FAT3: variants seen among roughly 807,000 people sequenced by gnomAD.
FAT3 encodes the protein FAT atypical cadherin 3.
FAT3 carries 95 observed loss-of-function variants against 310.2 expected under a neutral mutation model. That is an observed-to-expected ratio of 0.31 (90% CI 0.26 to 0.36). The LOEUF is 0.36. Ranked by LOEUF, FAT3 falls within the 10% of genes least tolerant of loss-of-function variation. FAT3 has a pLI of 1.00. For missense variants in FAT3, 5,408 were observed against 5,715.6 expected, an observed-to-expected ratio of 0.95 and a Z score of 1.74; for synonymous variants, 2,314 against 2,192.9, an observed-to-expected ratio of 1.06 and a Z score of -1.54.
chr11:92,551,649 C>T (rs531174194), intron 3 of FAT3, among the ~76,000 whole-genome samples: 1 of 152,084 alleles, frequency 6.6e-6, no homozygotes, highest in East Asian at 1.9e-4. Flanking sequence ...AACAGCTGTA[C>T]TTGGTTATGT....
intron 3 of FAT3, among the ~76,000 whole-genome samples, chr11:92,639,269 C>T (rs1291922787): frequency 6.6e-6 from 1 of 152,124 alleles, no homozygotes; most frequent in East Asian, 1.9e-4. Context: ...GAGCAAACGT[C>T]CCCAGAAACT....
At chr11:92,539,029 A>G (rs559269658) in intron 3 of FAT3, among the ~76,000 whole-genome samples, 38 of 152,166 alleles carry the variant, frequency 2.5e-4, no homozygotes, top group African/African-American at 8.4e-4. Flanking sequence ...ATCCAATTTT[A>G]CCTCCCACCA....
Position 92,677,895 on chromosome 11 carries a change from G to T in FAT3, c.3608-19489G>T, listed in dbSNP as rs183692785. On this transcript the variant is annotated intron_variant, in intron 3 of 27. Coordinates refer to ENST00000525166, the MANE Select transcript of FAT3 (RefSeq NM_001367949.2). Reference sequence around the variant, plus strand: ...GGGCTCCAGCAAGTGGCTCAAGAGTGCTGGTTACAGAATTTTATGGGGTTT... The same window carrying T: ...GGGCTCCAGCAAGTGGCTCAAGAGTTCTGGTTACAGAATTTTATGGGGTTT... Among the ~76,000 whole-genome samples, 16 of 152,300 alleles carry T rather than the reference G, an allele frequency of 1.1e-4. No individual in the cohort carries two copies. The East Asian group carries it at 3.1e-3, about 29-fold the overall frequency.
chr11:92,610,128 T>A (rs1391567063), intron 3 of FAT3, among the ~76,000 whole-genome samples: 1 of 152,172 alleles, frequency 6.6e-6, no homozygotes, highest in East Asian at 1.9e-4. Context: ...CATTTACTAG[T>A]GCACTTGTAA....
chr11:92,478,253 T>G (rs1249945275), intron 2 of FAT3, among the ~76,000 whole-genome samples: 1 of 152,224 alleles, frequency 6.6e-6, no homozygotes, highest in East Asian at 1.9e-4. Context: ...GTTTTGCTCT[T>G]GAATTTAATC....
chr11:92,678,055 G>A (rs992246414), intron 3 of FAT3, among the ~76,000 whole-genome samples: 2 of 152,128 alleles, frequency 1.3e-5, no homozygotes, highest in Non-Finnish European at 2.9e-5. Context: ...TTCGCTTTGT[G>A]ACTTCAAAGT....
chr11:92,632,989 G>T (rs1591543839), intron 3 of FAT3, among the ~76,000 whole-genome samples: 1 of 152,170 alleles, frequency 6.6e-6, no homozygotes, highest in South Asian at 2.1e-4. Context: ...TCCTTATTTT[G>T]TACCTGCTAC....
chr11:92,764,558 C>A (rs1403407031), intron 5 of FAT3, among the ~76,000 whole-genome samples: 1 of 152,156 alleles, frequency 6.6e-6, no homozygotes, highest in Admixed American at 6.5e-5. Flanking sequence ...ATCAAATTAG[C>A]TATTTCTATT....
intron 3 of FAT3, among the ~76,000 whole-genome samples, chr11:92,591,485 C>T (rs1358757322): frequency 6.6e-6 from 1 of 152,168 alleles, no homozygotes; most frequent in East Asian, 1.9e-4. Flanking sequence ...ATTAGTTTAA[C>T]ATAAACAACC....
chr11:92,799,047 A>C lies in FAT3; in HGVS notation c.6034A>C (p.Asn2012His). 1 of 1,613,956 alleles carries C rather than the reference A, an allele frequency of 6.2e-7. No individual in the cohort carries two copies. The highest frequency in any genetic ancestry group is 1.1e-5 in the South Asian group (1 of 91,078). Residue 2012 changes from asparagine to histidine, a missense_variant, in exon 10 of 28, where the codon AAT becomes CAT. By Grantham distance (68) the Asn-to-His change is moderately conservative. This residue lies in a region of FAT3 where 4,588 missense variants were observed against 4,809.8 expected (regional missense o/e 0.95). Coordinates refer to ENST00000525166, the MANE Select transcript of FAT3 (RefSeq NM_001367949.2). ...AIVNAVGNRLNEPLKYSILNP... is the reference protein window; with the variant it reads ...AIVNAVGNRLHEPLKYSILNP... ...TGTCAATGCAGTTGGAAATCGCCTTAATGAGCCCTTAAAATACAGCATCTT... is the reference window on the plus strand; with the variant it reads ...TGTCAATGCAGTTGGAAATCGCCTTCATGAGCCCTTAAAATACAGCATCTT...
intron 2 of FAT3, among the ~76,000 whole-genome samples, chr11:92,490,658 T>A (rs1436871989): frequency 6.6e-6 from 1 of 152,142 alleles, no homozygotes; most frequent in East Asian, 1.9e-4. Flanking sequence ...TCTTTGGATG[T>A]TGCATTGAAG....
chr11:92,820,410 C>T (rs1217034747), intron 13 of FAT3, among the ~76,000 whole-genome samples: 4 of 152,156 alleles, frequency 2.6e-5, no homozygotes, highest in African/African-American at 9.7e-5. Context: ...TTAATTGCCT[C>T]CTAAAAGCCT....
intron 3 of FAT3, among the ~76,000 whole-genome samples, chr11:92,542,140 A>G (rs182019337): frequency 1.2e-3 from 180 of 152,224 alleles, no homozygotes; most frequent in Non-Finnish European, 2.2e-3. Flanking sequence ...TCCACATGCA[A>G]AAGAATGAAG....
At chr11:92,557,920 T>C (rs1030141566) in intron 3 of FAT3, among the ~76,000 whole-genome samples, 1 of 152,216 alleles carries the variant, frequency 6.6e-6, no homozygotes, top group Non-Finnish European at 1.5e-5. Flanking sequence ...GGATTGCCTT[T>C]GACAAAATGT....
At chr11:92,651,431 C>T (rs1344910778) in intron 3 of FAT3, among the ~76,000 whole-genome samples, 1 of 152,186 alleles carries the variant, frequency 6.6e-6, no homozygotes, top group African/African-American at 2.4e-5. Context: ...ACATGCTTTC[C>T]TGGTGTGTGA....
At chr11:92,518,504 C>T (rs1953570152) in intron 2 of FAT3, among the ~76,000 whole-genome samples, 1 of 151,894 alleles carries the variant, frequency 6.6e-6, no homozygotes, top group African/African-American at 2.4e-5. Flanking sequence ...CACACCAGGG[C>T]CTGTCAAGGA....
chr11:92,867,234 C>G (rs2136353528), intron 22 of FAT3, 25 bp downstream of exon 22: 2 of 1,529,358 alleles, frequency 1.3e-6, no homozygotes, highest in Non-Finnish European at 1.8e-6. Context: ...GCAGTGGGCA[C>G]TGGCCTGGGG....
intron 7 of FAT3, among the ~76,000 whole-genome samples, chr11:92,789,365 A>G (rs932857506): frequency 2.0e-5 from 3 of 152,158 alleles, no homozygotes; most frequent in Non-Finnish European, 4.4e-5. Flanking sequence ...TGCTTTATGA[A>G]AGAAAACAAT....
chr11:92,770,738 G>A (rs146121230), intron 6 of FAT3, among the ~76,000 whole-genome samples: 1,971 of 152,228 alleles, frequency 0.013, 24 homozygotes, highest in Non-Finnish European at 0.021. Flanking sequence ...CTCACCATTG[G>A]GTGTCTTTAC....
Sources: gnomAD v4.1 joint callset for allele counts (sites outside exome capture counted in the v4.1 genomes callset) on GRCh38, gnomAD v4.1.1 for gene constraint, gnomAD v4.1.1 regional missense constraint, MANE v1.5 for transcripts, NCBI Gene and HGNC (gene_info 2026-07-23, HGNC 2026-07-21) for gene names.